The following PRKG2 variants were observed in gnomAD, a reference collection of about 807,000 sequenced individuals.
PRKG2 encodes the protein cGMP-dependent protein kinase 2.
A neutral mutation model predicts 97.2 loss-of-function variants in PRKG2; 33 were observed. The observed-to-expected ratio is 0.34, with a 90% CI of 0.26 to 0.45. PRKG2 has a LOEUF of 0.45. Among genes scored for constraint, PRKG2 ranks in the 20% least tolerant of loss-of-function variants. The probability of loss-of-function intolerance (pLI) is 1.00; values close to 1 mark genes in which losing one functional copy is unlikely to be tolerated. For synonymous variants in PRKG2, 330 were observed against 321.8 expected (o/e 1.03, Z -0.27); for missense variants, 638 against 900.0 (o/e 0.71, Z 3.73).
At position 81,156,025 on chromosome 4, in the gene PRKG2, C is replaced by T. The variant is rs1203169922; in HGVS notation, c.913-2304G>A. On this transcript the variant is annotated intron_variant, in intron 6 of 18. Transcript: ENST00000264399. Reference sequence around the variant, plus strand: ...ACTAGGAAGAAACTGTATCAACTAACGAGCAAAATAACCAGCTAACATCAT... The same window carrying T: ...ACTAGGAAGAAACTGTATCAACTAATGAGCAAAATAACCAGCTAACATCAT... Among the ~76,000 whole-genome samples, 9 of 151,702 alleles carry T rather than the reference C, an allele frequency of 5.9e-5. No homozygotes were observed. The Middle Eastern group carries it at 0.01, about 172-fold the overall frequency.
At chr4:81,170,040 G>A (rs1280143326) in intron 4 of PRKG2, among the ~76,000 whole-genome samples, 1 of 151,972 alleles carries the variant, frequency 6.6e-6, no homozygotes, top group African/African-American at 2.4e-5. Flanking sequence ...AAATTAGTTT[G>A]CAATTCCCAA....
At chr4:81,157,281 A>G (rs1414448001) in intron 6 of PRKG2, among the ~76,000 whole-genome samples, 3 of 152,184 alleles carry the variant, frequency 2.0e-5, no homozygotes, top group Non-Finnish European at 4.4e-5. Context: ...ACAAACTACC[A>G]TCAGAGAATA....
chr4:81,162,689 A>T (rs974494473), intron 6 of PRKG2, among the ~76,000 whole-genome samples: 6 of 152,120 alleles, frequency 3.9e-5, no homozygotes, highest in African/African-American at 1.4e-4. Flanking sequence ...ACAAACCTTG[A>T]CTATATGCAG....
intron 14 of PRKG2, among the ~76,000 whole-genome samples, chr4:81,116,057 T>C (rs187127921): frequency 6.6e-6 from 1 of 152,284 alleles, no homozygotes; most frequent in African/African-American, 2.4e-5. Flanking sequence ...TTTAGGTCCA[T>C]GTATACATGT....
At chr4:81,185,787 G>A (rs1751829308) in intron 2 of PRKG2, among the ~76,000 whole-genome samples, 2 of 152,198 alleles carry the variant, frequency 1.3e-5, no homozygotes, top group Admixed American at 6.5e-5. Context: ...TATTTACCAA[G>A]CAAATGGAAA....
intron 14 of PRKG2, among the ~76,000 whole-genome samples, chr4:81,117,586 A>C (rs1446731073): frequency 6.6e-6 from 1 of 152,206 alleles, no homozygotes. Flanking sequence ...CACTGAATGT[A>C]GAAATACGTT....
chr4:81,188,077 G>C (rs1023941278), intron 2 of PRKG2, among the ~76,000 whole-genome samples: 19 of 152,110 alleles, frequency 1.2e-4, no homozygotes, highest in African/African-American at 4.6e-4. Flanking sequence ...CCATCAGAGT[G>C]AACAGGCAAC....
chr4:81,204,419 G>C (rs989851427), intron 2 of PRKG2, among the ~76,000 whole-genome samples, 168 bp downstream of exon 2: 1 of 152,044 alleles, frequency 6.6e-6, no homozygotes, highest in East Asian at 1.9e-4. Flanking sequence ...TTAAACTTCT[G>C]CCCAATGGGA....
intron 2 of PRKG2, 29 bp downstream of exon 2, chr4:81,204,558 T>G: frequency 2.2e-5 from 35 of 1,575,588 alleles, no homozygotes; most frequent in African/African-American, 2.7e-5. Flanking sequence ...TAAGCCCATC[T>G]GAGTTTAAAG....
intron 15 of PRKG2, among the ~76,000 whole-genome samples, chr4:81,108,598 C>T (rs964504917): frequency 2.0e-5 from 3 of 151,428 alleles, no homozygotes; most frequent in Non-Finnish European, 2.9e-5. Flanking sequence ...ACAATTGTTA[C>T]AAAAACAGTT....
At chr4:81,161,275 T>C (rs556508579) in intron 6 of PRKG2, among the ~76,000 whole-genome samples, 13 of 152,302 alleles carry the variant, frequency 8.5e-5, no homozygotes, top group African/African-American at 2.9e-4. Context: ...GACAGGTCTA[T>C]ATTCAAATCC....
intron 11 of PRKG2, 50 bp downstream of exon 11, chr4:81,142,744 A>G: frequency 6.7e-7 from 1 of 1,484,058 alleles, no homozygotes; most frequent in Non-Finnish European, 9.0e-7. Context: ...TATAAAACAA[A>G]AAAAAAGTCA....
At chr4:81,167,137 A>AT in intron 6 of PRKG2, 24 bp downstream of exon 6, 1 of 1,471,504 alleles carries the variant, frequency 6.8e-7, no homozygotes, top group East Asian at 2.3e-5. Context: ...AATGAAATTT[A>AT]TTTTTTACTT....
rs558966717 is a variant in PRKG2, at chr4:81,117,121, T to C, written c.1777-6510A>G. ...AATCCTCCCATCTCAGCCTCCCAAG[T>C]AGGCAAAACTACAAGCGTGAACAAC... On this transcript the variant is annotated intron_variant, in intron 14 of 18. Transcript: ENST00000264399. Among the ~76,000 whole-genome samples the C allele has an allele frequency of 1.5e-3, 220 of 150,024 alleles. 3 individuals carry two copies. In the South Asian group the frequency reaches 0.024, roughly 16 times the overall value.
At position 81,215,081 on chromosome 4, in the gene PRKG2, C is replaced by A. The variant is rs1754211777; in HGVS notation, c.-159G>T. The A allele has an allele frequency of 6.6e-6, 1 of 152,342 alleles. No individual in the cohort carries two copies. The allele number at this position is 152,342 out of a possible 1,614,324, so 9.4% of individuals were successfully genotyped here. Reference sequence around the variant, plus strand: ...GGTCAGCTCAGCCAGCCCCGCCGTGCACACGGTGCGCAGCGTGGGCCCGGG... The same window carrying A: ...GGTCAGCTCAGCCAGCCCCGCCGTGAACACGGTGCGCAGCGTGGGCCCGGG... On this transcript the variant is annotated 5_prime_UTR_variant, in exon 1 of 19. Coordinates refer to ENST00000264399, the MANE Select transcript of PRKG2 (RefSeq NM_006259.3).
At chr4:81,092,273 A>T (rs920563814) in intron 18 of PRKG2, 113 bp downstream of exon 18, 17 of 569,072 alleles carry the variant, frequency 3.0e-5, no homozygotes, top group Non-Finnish European at 4.3e-5. Flanking sequence ...AAACTGCTTT[A>T]AAAAAAAACA....
intron 17 of PRKG2, among the ~76,000 whole-genome samples, chr4:81,099,401 G>A (rs542441378): frequency 6.6e-6 from 1 of 152,176 alleles, no homozygotes; most frequent in South Asian, 2.1e-4. Flanking sequence ...TGCAAGGCTG[G>A]TTCAATATAC....
intron 2 of PRKG2, among the ~76,000 whole-genome samples, chr4:81,179,199 G>A (rs1256189990): frequency 1.3e-5 from 2 of 150,938 alleles, no homozygotes; most frequent in Non-Finnish European, 3.0e-5. Context: ...GCACAGACAA[G>A]ATGCATTATA....
chr4:81,105,552 T>A (rs576566468), intron 16 of PRKG2, among the ~76,000 whole-genome samples: 1 of 152,188 alleles, frequency 6.6e-6, no homozygotes, highest in South Asian at 2.1e-4. Flanking sequence ...CTCTAACAGA[T>A]AAAGATGATA....
Sources: allele counts gnomAD v4.1 joint callset (sites outside exome capture counted in the v4.1 genomes callset), GRCh38; gene constraint gnomAD v4.1.1; transcripts MANE v1.5; gene names NCBI Gene and HGNC (gene_info 2026-07-23, HGNC 2026-07-21).